The following MEIS1 variants were observed in gnomAD, a reference collection of about 807,000 sequenced individuals.
MEIS1 encodes the protein homeobox protein Meis1.
MEIS1 carries 5 observed loss-of-function variants against 50.8 expected under a neutral mutation model. That is an observed-to-expected ratio of 0.10 (90% CI 0.05 to 0.21). The LOEUF (loss-of-function observed/expected upper bound fraction) is 0.21. Among genes scored for constraint, MEIS1 ranks in the 10% least tolerant of loss-of-function variants. MEIS1 has a pLI of 1.00. For missense variants in MEIS1, 318 were observed against 517.3 expected (o/e 0.61, Z 3.74); for synonymous variants, 176 against 179.3 (o/e 0.98, Z 0.15).
intron 5 of MEIS1, 68 bp from the exon 6 acceptor site, chr2:66,442,834 T>G: frequency 7.0e-7 from 1 of 1,430,944 alleles, no homozygotes. Context: ...GGGGGTGGAT[T>G]GCACTTGTCA....
At chr2:66,496,997 A>G (rs1393979923) in intron 7 of MEIS1, among the ~76,000 whole-genome samples, 1 of 152,162 alleles carries the variant, frequency 6.6e-6, no homozygotes, top group Non-Finnish European at 1.5e-5. Flanking sequence ...TGCTACTCTG[A>G]GAGTACATGC....
At chr2:66,446,121 AGG>A (rs995672699) in intron 6 of MEIS1, among the ~76,000 whole-genome samples, 11 of 151,642 alleles carry the variant, frequency 7.3e-5, no homozygotes, top group African/African-American at 2.2e-4. Context: ...GCAGAGGGAG[AGG>A]GGGGCCATGA....
intron 7 of MEIS1, among the ~76,000 whole-genome samples, chr2:66,467,075 A>G (rs1672656537): frequency 6.6e-6 from 1 of 152,340 alleles, no homozygotes; most frequent in African/African-American, 2.4e-5. Context: ...ATATATATAT[A>G]CATCTCAACT....
At chr2:66,491,033 C>T (rs1400720967) in intron 7 of MEIS1, among the ~76,000 whole-genome samples, 1 of 146,896 alleles carries the variant, frequency 6.8e-6, no homozygotes, top group Non-Finnish European at 1.5e-5. Context: ...AGTTTTGTTA[C>T]AACAACAAGA....
In MEIS1 at chr2:66,474,958, T is replaced by C. The variant is rs187892776; in HGVS notation, c.742+10738T>C. On this transcript the variant is annotated intron_variant, in intron 7 of 12. Coordinates refer to ENST00000272369, the MANE Select transcript of MEIS1 (RefSeq NM_002398.3). ...AACTACAGAGTGAATGCAGAAAATA[T>C]TGAATTTGCCAATGGGCTTGTTGCT... Among the ~76,000 whole-genome samples, 312 of 152,064 alleles carry C rather than the reference T, an allele frequency of 2.1e-3. 3 individuals are homozygous for C. The highest frequency in any genetic ancestry group is 7.2e-3 in the African/African-American group (300 of 41,502).
chr2:66,550,007 G>T (rs1416887967), intron 9 of MEIS1, among the ~76,000 whole-genome samples: 1 of 152,160 alleles, frequency 6.6e-6, no homozygotes, highest in East Asian at 1.9e-4. Flanking sequence ...ATCAGTCCAT[G>T]ATCACAATTC....
chr2:66,495,080 C>T (rs1339257847), intron 7 of MEIS1, among the ~76,000 whole-genome samples: 1,422 of 91,464 alleles, frequency 0.016, 191 homozygotes, highest in Non-Finnish European at 0.022. Flanking sequence ...CTCTTCTGAC[C>T]TTTTTTTTTT....
intron 9 of MEIS1, chr2:66,562,070 T>TTTTTTTTC (rs1675230305): frequency 2.4e-5 from 3 of 127,162 alleles, no homozygotes; most frequent in Non-Finnish European, 3.3e-5. Flanking sequence ...TTTTTTTTTT[T>TTTTTTTTC]ACTTTTATCA....
chr2:66,564,240 C>T (rs371191408), intron 9 of MEIS1, among the ~76,000 whole-genome samples: 2 of 149,960 alleles, frequency 1.3e-5, no homozygotes, highest in African/African-American at 4.9e-5. Context: ...AAAGGTTTCC[C>T]CCTTTGATAT....
At chr2:66,464,937 C>T (rs1179808303) in intron 7 of MEIS1, among the ~76,000 whole-genome samples, 1 of 152,200 alleles carries the variant, frequency 6.6e-6, no homozygotes, top group East Asian at 1.9e-4. Flanking sequence ...TACTGCTTTT[C>T]ATGAGAGCCC....
At chr2:66,537,872 G>C (rs1170775818) in intron 8 of MEIS1, among the ~76,000 whole-genome samples, 5 of 152,180 alleles carry the variant, frequency 3.3e-5, no homozygotes, top group Non-Finnish European at 2.9e-5. Flanking sequence ...TACATAGTTT[G>C]AAAAAGATCC....
chr2:66,519,481 C>T (rs1185340244), intron 8 of MEIS1, among the ~76,000 whole-genome samples: 1 of 151,654 alleles, frequency 6.6e-6, no homozygotes, highest in African/African-American at 2.4e-5. Flanking sequence ...TGTCAAGAGC[C>T]AGAGAGTGCG....
Position 66,500,720 on chromosome 2 carries a change from C to T in MEIS1, c.743-11429C>T, listed in dbSNP as rs143592082. ...GATTACAGGCATGAGCCACCGTGCCCGGCCAGCTTTTTTATTTTTCAAATC... is the reference window on the plus strand; with the variant it reads ...GATTACAGGCATGAGCCACCGTGCCTGGCCAGCTTTTTTATTTTTCAAATC... On this transcript the variant is annotated intron_variant, in intron 7 of 12. Transcript: ENST00000272369. Among the ~76,000 whole-genome samples the T allele has an allele frequency of 2.6e-3, 394 of 152,246 alleles. 1 individual carries two copies. The highest frequency in any genetic ancestry group is 4.4e-3 in the Non-Finnish European group (297 of 68,012).
intron 6 of MEIS1, among the ~76,000 whole-genome samples, chr2:66,443,948 G>C (rs940288669): frequency 6.6e-6 from 1 of 152,160 alleles, no homozygotes; most frequent in Non-Finnish European, 1.5e-5. Context: ...TGGAATTGCT[G>C]TGGGGATTTC....
At chr2:66,565,223 A>G (rs959060788) in intron 9 of MEIS1, among the ~76,000 whole-genome samples, 5 of 152,194 alleles carry the variant, frequency 3.3e-5, no homozygotes, top group African/African-American at 1.2e-4. Context: ...GGGAGTCTCA[A>G]TATGTGAATA....
rs79962327 is a variant in MEIS1, at chr2:66,518,964, G to A, written c.888+6670G>A. On this transcript the variant is annotated intron_variant, in intron 8 of 12. Transcript: ENST00000272369. ...TCGTGGAATTTAGGATCCTAGGACT[G>A]AACTGGTAACATCCACATCATATCT... 5.5e-3 allele frequency among the ~76,000 whole-genome samples: 845 copies of A among 152,310 alleles called. 17 individuals carry two copies. The highest frequency in any genetic ancestry group is 0.02 in the African/African-American group (821 of 41,560).
intron 9 of MEIS1, among the ~76,000 whole-genome samples, chr2:66,553,558 G>C (rs1195068266): frequency 6.6e-6 from 1 of 152,222 alleles, no homozygotes; most frequent in African/African-American, 2.4e-5. Context: ...AGAGCTGGCG[G>C]GGCGCCAGAC....
intron 7 of MEIS1, among the ~76,000 whole-genome samples, chr2:66,479,962 G>A (rs544044540): frequency 3.9e-5 from 6 of 152,248 alleles, no homozygotes; most frequent in African/African-American, 1.4e-4. Flanking sequence ...ATGTTGTTTT[G>A]ATGCATAGTG....
At chr2:66,474,420 C>G (rs1355821888) in intron 7 of MEIS1, among the ~76,000 whole-genome samples, 2 of 152,152 alleles carry the variant, frequency 1.3e-5, no homozygotes, top group Admixed American at 1.3e-4. Flanking sequence ...ATGATTCTAC[C>G]TGCCCTGGGC....
Sources: gnomAD v4.1 joint callset for allele counts (sites outside exome capture counted in the v4.1 genomes callset) on GRCh38, gnomAD v4.1.1 for gene constraint, MANE v1.5 for transcripts, NCBI Gene and HGNC (gene_info 2026-07-23, HGNC 2026-07-21) for gene names.